The following SPTB variants were observed in gnomAD, a reference collection of about 807,000 sequenced individuals.
SPTB encodes spectrin beta, erythrocytic.
In SPTB, 45 loss-of-function variants were observed where a neutral mutation model predicts 256.2. That is an observed-to-expected ratio of 0.18 (90% CI 0.14 to 0.23). The LOEUF (loss-of-function observed/expected upper bound fraction) is 0.23. SPTB is among the 10% of genes least tolerant of loss of function. The pLI, the probability that SPTB is intolerant of heterozygous loss-of-function variation, is 1.00. For synonymous variants in SPTB, 1,231 were observed against 1,243.1 expected (o/e 0.99, Z 0.21); for missense variants, 2,715 against 3,040.4 (o/e 0.89, Z 2.52).
intron 1 of SPTB, among the ~76,000 whole-genome samples, chr14:64,872,322 C>T (rs188363089): frequency 2.5e-4 from 38 of 152,274 alleles, no homozygotes; most frequent in African/African-American, 8.9e-4. Flanking sequence ...TGCATCTCAC[C>T]AGGACTATCA....
rs1371219955 is a variant in SPTB at position 64,771,002 on chromosome 14, C to A, written c.5681G>T (p.Gly1894Val). Residue 1894 changes from glycine (G) to valine (V), a missense_variant, in exon 27 of 36, where the codon GGG becomes GTG. Transcript: ENST00000644917. ...AWQALLDACA[G>V]RRTQLVDTAD... ...CGTGTCCACTAGCTGGGTCCGGCGCCCGGCACAGGCATCGAGCAGCGCCTG... is the reference window on the plus strand; with the variant it reads ...CGTGTCCACTAGCTGGGTCCGGCGCACGGCACAGGCATCGAGCAGCGCCTG... 1 of 1,614,042 alleles carries A rather than the reference C, an allele frequency of 6.2e-7. No homozygotes were observed. The highest frequency in any genetic ancestry group is 8.5e-7 in the Non-Finnish European group (1 of 1,180,060).
chr14:64,803,827 C>A, intron 3 of SPTB, 47 bp from the exon 4 acceptor site: 1 of 1,560,434 alleles, frequency 6.4e-7, no homozygotes, highest in South Asian at 1.2e-5. Context: ...ACTGCACAGT[C>A]ATCCCAGAGG....
rs2083381765 is a variant in SPTB at position 64,826,665 on chromosome 14, C to G, written c.-51-3520G>C. Among the ~76,000 whole-genome samples, 1 of 152,120 alleles carries G rather than the reference C, an allele frequency of 6.6e-6. No individual in the cohort carries two copies. The highest frequency in any genetic ancestry group is 1.5e-5 in the Non-Finnish European group (1 of 68,020). On this transcript the variant is annotated intron_variant, in intron 1 of 35. Transcript: ENST00000644917. The surrounding 1 kb of genome is among the most constrained non-coding windows in gnomAD (Gnocchi z 4.4). The stretch of plus-strand genomic sequence containing the variant: ...ATTCCCTGGCTTACCCACAAGTCCC[C>G]CAAAATTCCTTCTCTGAACCCACCT...
In SPTB at chr14:64,829,583, A is replaced by T. The variant is rs138166460; in HGVS notation, c.-51-6438T>A. ...ATGCTCAAAAAGGTAGTGGGGGACA[A>T]GACATGATGTCTGGGATTTGCTTAA... On this transcript the variant is annotated intron_variant, in intron 1 of 35. Coordinates refer to ENST00000644917, the MANE Select transcript of SPTB (RefSeq NM_001355436.2). 1.5e-3 allele frequency among the ~76,000 whole-genome samples: 229 copies of T among 152,352 alleles called. 1 individual carries two copies. Among genetic ancestry groups the T allele is most frequent in the African/African-American group, 5.1e-3 (214 of 41,584 alleles).
Position 64,790,527 on chromosome 14 carries a change from C to T in SPTB, c.2804+1192G>A, listed in dbSNP as rs1313777345. ...AGATTGACAAAGGAATCTCCTAAAC[C>T]GCACTCTGCAGCTTGGGCTGCTAAG... On this transcript the variant is annotated intron_variant, in intron 15 of 35. Transcript: ENST00000644917. The surrounding 1 kb of genome is among the most constrained non-coding windows in gnomAD (Gnocchi z 4.8). Among the ~76,000 whole-genome samples, 2 of 152,192 alleles carry T rather than the reference C, an allele frequency of 1.3e-5. No individual in the cohort carries two copies. The highest frequency in any genetic ancestry group is 2.4e-5 in the African/African-American group (1 of 41,440).
intron 1 of SPTB, among the ~76,000 whole-genome samples, chr14:64,857,300 G>C (rs909827203): frequency 6.6e-6 from 1 of 152,080 alleles, no homozygotes; most frequent in African/African-American, 2.4e-5. Context: ...AAACAATCCC[G>C]GGCCGGACAC....
rs1285712835 is a variant in SPTB at position 64,748,912 on chromosome 14, GA to G, written c.*393del. 1 of 184,568 alleles carries G rather than the reference GA, an allele frequency of 5.4e-6. No homozygotes were observed. Among genetic ancestry groups the G allele is most frequent in the Non-Finnish European group, 1.1e-5 (1 of 90,612 alleles). 11.4% of individuals were successfully genotyped at this position (184,568 alleles called of 1,614,324 possible). On this transcript the variant is annotated 3_prime_UTR_variant, in exon 36 of 36. Coordinates refer to ENST00000644917, the MANE Select transcript of SPTB (RefSeq NM_001355436.2). ...GCTTTAGGAACGGGCAGCGTTTGAA[GA>G]ACCCCATCAGCCTTCTCCAGCTCTT...
At position 64,759,289 on chromosome 14, in the gene SPTB, A is replaced by G. The variant is rs2082060293; in HGVS notation, c.6346-5496T>C. Among the ~76,000 whole-genome samples, 1 of 151,838 alleles carries G rather than the reference A, an allele frequency of 6.6e-6. No individual in the cohort carries two copies. The highest frequency in any genetic ancestry group is 1.5e-5 in the Non-Finnish European group (1 of 67,942). ...GTAGCTGGGCAGGGACCCACCCATGACCCCCTGGCTGCGAACCTGCAGTGG... is the reference window on the plus strand; with the variant it reads ...GTAGCTGGGCAGGGACCCACCCATGGCCCCCTGGCTGCGAACCTGCAGTGG... On this transcript the variant is annotated intron_variant, in intron 32 of 35. Coordinates refer to ENST00000644917, the MANE Select transcript of SPTB (RefSeq NM_001355436.2). The surrounding 1 kb of genome is among the most constrained non-coding windows in gnomAD (Gnocchi z 4.8).
chr14:64,779,575 T>C lies in SPTB; in HGVS notation c.4473+150A>G. On this transcript the variant is annotated intron_variant, in intron 21 of 35. Coordinates refer to ENST00000644917, the MANE Select transcript of SPTB (RefSeq NM_001355436.2). This position sits in a 1 kb window ranked among gnomAD's most constrained non-coding sequence, Gnocchi z 4.2. ...CAAAAGCACTGGCTTGAGCTTTCCA[T>C]TTAATGTAATCCTCACAAGAACCCT... 1 of 846,580 alleles carries C rather than the reference T, an allele frequency of 1.2e-6. No individual in the cohort carries two copies. The highest frequency in any genetic ancestry group is 2.0e-6 in the Non-Finnish European group (1 of 500,802). 52.4% of individuals were successfully genotyped at this position (846,580 alleles called of 1,614,324 possible). A position where few individuals can be genotyped will look rare whatever the true frequency, so the allele number is the denominator to read the frequency against.
chr14:64,787,252 C>T, intron 15 of SPTB, 92 bp from the exon 16 acceptor site: 4 of 1,518,842 alleles, frequency 2.6e-6, no homozygotes, highest in Non-Finnish European at 3.6e-6. Flanking sequence ...CCACATTTCC[C>T]ACAAGTCTCC....
In SPTB at chr14:64,775,952, C is replaced by A. The variant is rs1297276472; in HGVS notation, c.4564-549G>T. Among the ~76,000 whole-genome samples, 1 of 152,182 alleles carries A rather than the reference C, an allele frequency of 6.6e-6. No individual in the cohort carries two copies. The highest frequency in any genetic ancestry group is 1.5e-5 in the Non-Finnish European group (1 of 68,042). The stretch of plus-strand genomic sequence containing the variant: ...CAGTCTCAGCTTTTGTTTTTCCCTA[C>A]TTCTATTTCTCATATTTTTGTGAGC... On this transcript the variant is annotated intron_variant, in intron 22 of 35. Coordinates refer to ENST00000644917, the MANE Select transcript of SPTB (RefSeq NM_001355436.2). The surrounding 1 kb of genome is among the most constrained non-coding windows in gnomAD (Gnocchi z 5.0).
rs2083709748 is a variant in SPTB at position 64,847,360 on chromosome 14, T to TA, written c.-51-24216_-51-24215insT. Among the ~76,000 whole-genome samples the TA allele has an allele frequency of 6.6e-6, 1 of 152,138 alleles. No individual in the cohort carries two copies. Among genetic ancestry groups the TA allele is most frequent in the Non-Finnish European group, 1.5e-5 (1 of 68,036 alleles). On this transcript the variant is annotated intron_variant, in intron 1 of 35. Transcript: ENST00000644917. This position sits in a 1 kb window ranked among gnomAD's most constrained non-coding sequence, Gnocchi z 5.9. Reference sequence around the variant, plus strand: ...ACAAATCAGACAGCCCTCTTCCAAGTGTCGTATCATGTCTCAGGCTAAGAG... The same window carrying TA: ...ACAAATCAGACAGCCCTCTTCCAAGTAGTCGTATCATGTCTCAGGCTAAGAG...
At position 64,802,155 on chromosome 14, in the gene SPTB, G is replaced by GTCTC; in HGVS notation, c.566+70_566+71insGAGA. On this transcript the variant is annotated intron_variant, in intron 5 of 35. Transcript: ENST00000644917. The surrounding 1 kb of genome is among the most constrained non-coding windows in gnomAD (Gnocchi z 5.1). ...GGGTGATGATGTCTAATGTCCCTCT[G>GTCTC]GAGATGGCAGTGCTTGTGCGGAGCA... The GTCTC allele has an allele frequency of 7.1e-7, 1 of 1,402,542 alleles. No homozygotes were observed. Among genetic ancestry groups the GTCTC allele is most frequent in the Non-Finnish European group, 1.0e-6 (1 of 989,896 alleles). 86.9% of individuals were successfully genotyped at this position (1,402,542 alleles called of 1,614,324 possible).
chr14:64,779,295 C>A lies in SPTB; in HGVS notation c.4474-49G>T. On this transcript the variant is annotated intron_variant, in intron 21 of 35. Transcript: ENST00000644917. This position sits in a 1 kb window ranked among gnomAD's most constrained non-coding sequence, Gnocchi z 4.2. ...AGAGCTGATGACAATCACGGCCAAC[C>A]TTTCCTGAGTGCTCACCATGGGCGG... 2.0e-6 allele frequency: 3 copies of A among 1,494,532 alleles called. No homozygotes were observed. The highest frequency in any genetic ancestry group is 2.8e-6 in the Non-Finnish European group (3 of 1,079,760). 92.6% of individuals were successfully genotyped at this position (1,494,532 alleles called of 1,614,324 possible). A position where few individuals can be genotyped will look rare whatever the true frequency, so the allele number is the denominator to read the frequency against.
intron 33 of SPTB, chr14:64,752,125 A>C (rs997672072): frequency 5.1e-5 from 63 of 1,227,428 alleles, no homozygotes; most frequent in Non-Finnish European, 6.6e-5. Context: ...ACACAAAAAA[A>C]GACAAATAGG....
intron 1 of SPTB, among the ~76,000 whole-genome samples, chr14:64,828,364 G>A (rs183273304): frequency 2.6e-5 from 4 of 152,282 alleles, no homozygotes; most frequent in Admixed American, 2.6e-4. Flanking sequence ...TTGGGGAACA[G>A]GTGCTACTCA....
chr14:64,829,039 G>C (rs2083412508), intron 1 of SPTB, among the ~76,000 whole-genome samples: 1 of 152,176 alleles, frequency 6.6e-6, no homozygotes, highest in Non-Finnish European at 1.5e-5. Context: ...TTCAACAACT[G>C]AACTCACTGA....
chr14:64,855,620 TGAGA>T (rs2083861120), intron 1 of SPTB, among the ~76,000 whole-genome samples: 1 of 150,402 alleles, frequency 6.6e-6, no homozygotes, highest in Non-Finnish European at 1.5e-5. Context: ...ATGTAATTCC[TGAGA>T]GAAATGTGGA....
At chr14:64,821,633 A>G (rs750114058) in intron 2 of SPTB, among the ~76,000 whole-genome samples, 4 of 152,196 alleles carry the variant, frequency 2.6e-5, no homozygotes, top group Non-Finnish European at 5.9e-5. Flanking sequence ...CACAAAAGCA[A>G]TGGGTCACCG....
Sources: gnomAD v4.1 joint callset for allele counts (sites outside exome capture counted in the v4.1 genomes callset) on GRCh38, gnomAD v4.1.1 for gene constraint, Gnocchi (gnomAD v3.1) non-coding constraint, MANE v1.5 for transcripts, NCBI Gene and HGNC (gene_info 2026-07-23, HGNC 2026-07-21) for gene names.